The following CSRNP3 variants were observed in gnomAD, a reference collection of about 807,000 sequenced individuals.
The protein encoded by CSRNP3 is cysteine and serine rich nuclear protein 3, also known as cysteine/serine-rich nuclear protein 3.
Under a neutral mutation model 48.0 loss-of-function variants are expected in CSRNP3, and 12 were observed. That is an observed-to-expected ratio of 0.25 (90% CI 0.16 to 0.41). The LOEUF (loss-of-function observed/expected upper bound fraction) is 0.41, where lower values mean the gene tolerates loss of function less well. CSRNP3 is among the 10% of genes least tolerant of loss of function. The pLI is 1.00. For missense variants in CSRNP3, 580 were observed against 724.4 expected (o/e 0.80, Z 2.29); for synonymous variants, 263 against 269.7 (o/e 0.98, Z 0.24).
chr2:165,569,525 A>G (rs1425334313), intron 3 of CSRNP3, among the ~76,000 whole-genome samples: 1 of 152,080 alleles, frequency 6.6e-6, no homozygotes, highest in Admixed American at 6.6e-5. Context: ...ACAAGCTAAC[A>G]AAGAGTCAAT....
chr2:165,679,311 T>C lies in CSRNP3; in HGVS notation c.1316T>C (p.Ile439Thr). 6.2e-7 allele frequency: 1 copy of C among 1,613,822 alleles called. No individual in the cohort carries two copies. The highest frequency in any genetic ancestry group is 8.5e-7 in the Non-Finnish European group (1 of 1,179,934). Residue 439 changes from isoleucine to threonine, a missense_variant, in exon 7 of 7, where the codon ATA becomes ACA. Ile to Thr is a moderately conservative substitution (Grantham distance 89). Around this residue, in one of 4 missense-constraint regions of CSRNP3, gnomAD observed 369 missense variants for 380.8 expected, o/e 0.97. Coordinates refer to ENST00000651982, the MANE Select transcript of CSRNP3 (RefSeq NM_001172173.2). ...AACTCTTCAACTCTGTATTACCAAA[T>C]AGATAGCCACATTCCAGGAACTCCA... The part of the protein sequence containing the change: ...YANSSTLYYQ[I>T]DSHIPGTPNQ...
chr2:165,655,660 C>T (rs1686991702), intron 4 of CSRNP3, among the ~76,000 whole-genome samples: 1 of 152,128 alleles, frequency 6.6e-6, no homozygotes, highest in African/African-American at 2.4e-5. Flanking sequence ...GCTAGATGAC[C>T]AAGGTGTTGG....
At chr2:165,485,035 C>T (rs532245772) in intron 1 of CSRNP3, among the ~76,000 whole-genome samples, 4 of 152,126 alleles carry the variant, frequency 2.6e-5, no homozygotes, top group African/African-American at 4.8e-5. Flanking sequence ...GTTCTGGTTA[C>T]CACAACAAAA....
At chr2:165,567,580 A>G (rs1239630819) in intron 3 of CSRNP3, among the ~76,000 whole-genome samples, 1 of 152,108 alleles carries the variant, frequency 6.6e-6, no homozygotes, top group Non-Finnish European at 1.5e-5. Flanking sequence ...AATAGAATGA[A>G]AAACCGAAAG....
At chr2:165,594,781 GAAT>G (rs1326797464) in intron 3 of CSRNP3, among the ~76,000 whole-genome samples, 1 of 151,882 alleles carries the variant, frequency 6.6e-6, no homozygotes, top group Non-Finnish European at 1.5e-5. Context: ...CAATAAAAAG[GAAT>G]AATGATATTA....
chr2:165,575,496 T>A (rs1469339941), intron 3 of CSRNP3, among the ~76,000 whole-genome samples: 1 of 152,160 alleles, frequency 6.6e-6, no homozygotes, highest in Non-Finnish European at 1.5e-5. Flanking sequence ...ATGAAATGAC[T>A]GCTTTATGTT....
chr2:165,644,519 G>A lies in CSRNP3; in HGVS notation c.149-13242G>A, dbSNP rs185460275. Among the ~76,000 whole-genome samples, 328 of 152,238 alleles carry A rather than the reference G, an allele frequency of 2.2e-3. 1 individual carries two copies. Among genetic ancestry groups the A allele is most frequent in the African/African-American group, 7.3e-3 (305 of 41,538 alleles). On this transcript the variant is annotated intron_variant, in intron 4 of 6. Coordinates refer to ENST00000651982, the MANE Select transcript of CSRNP3 (RefSeq NM_001172173.2). The stretch of plus-strand genomic sequence containing the variant: ...ATATATAAGTGAGTTTTAGTGCCCA[G>A]CAGTGTGCTGTACCCTGAGGGTTCC...
At chr2:165,501,234 G>A (rs1019593365) in intron 2 of CSRNP3, among the ~76,000 whole-genome samples, 1 of 152,126 alleles carries the variant, frequency 6.6e-6, no homozygotes, top group African/African-American at 2.4e-5. Flanking sequence ...TAGGCATAAA[G>A]CTAGAGAGGC....
intron 4 of CSRNP3, among the ~76,000 whole-genome samples, chr2:165,627,997 G>A (rs547594683): frequency 1.3e-5 from 2 of 152,274 alleles, no homozygotes; most frequent in Non-Finnish European, 2.9e-5. Flanking sequence ...GCTTCGAAAT[G>A]TTTGCTAAAA....
chr2:165,487,225 C>G (rs1164621974), intron 1 of CSRNP3, among the ~76,000 whole-genome samples: 1 of 141,784 alleles, frequency 7.1e-6, no homozygotes, highest in African/African-American at 2.8e-5. Flanking sequence ...TGAAATGAAG[C>G]AAGAAGGGAA....
At chr2:165,541,666 A>G (rs930494484) in intron 3 of CSRNP3, among the ~76,000 whole-genome samples, 1 of 152,072 alleles carries the variant, frequency 6.6e-6, no homozygotes, top group African/African-American at 2.4e-5. Flanking sequence ...ATTATACAAT[A>G]TCTCCTAAAC....
intron 4 of CSRNP3, among the ~76,000 whole-genome samples, chr2:165,609,145 A>G (rs1164302053): frequency 2.8e-5 from 4 of 143,214 alleles, no homozygotes; most frequent in Admixed American, 2.1e-4. Context: ...CAGATTACCT[A>G]AATTCTCATA....
At chr2:165,661,370 T>C (rs1361177807) in intron 5 of CSRNP3, among the ~76,000 whole-genome samples, 2 of 152,126 alleles carry the variant, frequency 1.3e-5, no homozygotes, top group Admixed American at 1.3e-4. Context: ...TTAAACATGC[T>C]CAGAACACTT....
chr2:165,596,053 T>C (rs1170059839), intron 4 of CSRNP3, among the ~76,000 whole-genome samples: 1 of 151,900 alleles, frequency 6.6e-6, no homozygotes, highest in Non-Finnish European at 1.5e-5. Context: ...ACTCCTGACC[T>C]CAGGTGATCC....
At chr2:165,654,314 A>C (rs1370961986) in intron 4 of CSRNP3, among the ~76,000 whole-genome samples, 1 of 152,238 alleles carries the variant, frequency 6.6e-6, no homozygotes, top group Admixed American at 6.5e-5. Flanking sequence ...ATGGTTATGA[A>C]ATGGATCAGA....
At chr2:165,475,245 T>G (rs1683945433) in intron 1 of CSRNP3, among the ~76,000 whole-genome samples, 1 of 152,196 alleles carries the variant, frequency 6.6e-6, no homozygotes, top group Non-Finnish European at 1.5e-5. Flanking sequence ...TCGTTGCTCA[T>G]GAAACTCATA....
At chr2:165,578,562 T>C (rs1011395714) in intron 3 of CSRNP3, among the ~76,000 whole-genome samples, 4 of 152,088 alleles carry the variant, frequency 2.6e-5, no homozygotes, top group African/African-American at 9.7e-5. Flanking sequence ...TGAGATCTAG[T>C]CCAACATATT....
chr2:165,519,456 C>A (rs891760635), intron 3 of CSRNP3, among the ~76,000 whole-genome samples: 1 of 152,156 alleles, frequency 6.6e-6, no homozygotes, highest in South Asian at 2.1e-4. Context: ...GGAATGCAGA[C>A]TCAGCTTGAA....
At chr2:165,666,752 GGA>G (rs1354661939) in intron 5 of CSRNP3, among the ~76,000 whole-genome samples, 10 of 115,582 alleles carry the variant, frequency 8.7e-5, no homozygotes, top group African/African-American at 2.7e-4. Flanking sequence ...GAGGAAGGAA[GGA>G]GAGAGAGGAA....
Sources: gnomAD v4.1 joint callset for allele counts (sites outside exome capture counted in the v4.1 genomes callset) on GRCh38, gnomAD v4.1.1 for gene constraint, gnomAD v4.1.1 regional missense constraint, MANE v1.5 for transcripts, NCBI Gene and HGNC (gene_info 2026-07-23, HGNC 2026-07-21) for gene names.